Variants in ZNF85 observed in about 807,000 individuals in gnomAD.
ZNF85 encodes zinc finger protein 85.
Under a neutral mutation model 53.9 loss-of-function variants are expected in ZNF85, and 50 were observed. That is an observed-to-expected ratio of 0.93 (90% CI 0.74 to 1.17). ZNF85 has a LOEUF of 1.17. Ranked by LOEUF, ZNF85 falls within the 50% of genes most tolerant of loss-of-function variation. ZNF85 has a pLI of 0.00. For synonymous variants in ZNF85, 225 were observed against 226.1 expected (o/e 1.00, Z 0.04); for missense variants, 747 against 688.5 (o/e 1.08, Z -0.95).
intron 1 of ZNF85, 110 bp downstream of exon 1, chr19:20,923,513 C>T: frequency 6.4e-7 from 1 of 1,566,348 alleles, no homozygotes; most frequent in African/African-American, 1.4e-5. Flanking sequence ...ACAATCTGCG[C>T]TCCAGTTCTT....
rs1319487356 is a variant in ZNF85, at chr19:20,923,350, G to A, written c.-51G>A. 6.2e-7 allele frequency: 1 copy of A among 1,613,786 alleles called. No individual in the cohort carries two copies. The highest frequency in any genetic ancestry group is 8.5e-7 in the Non-Finnish European group (1 of 1,179,876). On this transcript the variant is annotated 5_prime_UTR_variant, in exon 1 of 4. Coordinates refer to ENST00000328178, the MANE Select transcript of ZNF85 (RefSeq NM_003429.5). ...AGCCTCTGTGGCCCTGTGGCCTGCA[G>A]GTATTGGGAGATCCACAGCTAAGAC...
rs116337147 is a variant in ZNF85, at chr19:20,926,362, G to T, written c.3+2959G>T. Among the ~76,000 whole-genome samples the T allele has an allele frequency of 1.7e-3, 262 of 152,138 alleles. 2 individuals are homozygous for T. Among genetic ancestry groups the T allele is most frequent in the African/African-American group, 5.9e-3 (243 of 41,500 alleles). On this transcript the variant is annotated intron_variant, in intron 1 of 3. Transcript: ENST00000328178. Reference sequence around the variant, plus strand: ...ATTGTTTACTACATGATTTTTTATAGAAATAATAAAATAATACATTTATTG... The same window carrying T: ...ATTGTTTACTACATGATTTTTTATATAAATAATAAAATAATACATTTATTG...
chr19:20,946,885 A>T (rs11085410), intron 3 of ZNF85, among the ~76,000 whole-genome samples: 17,160 of 151,820 alleles, frequency 0.11, 1,007 homozygotes, highest in Non-Finnish European at 0.13. Context: ...TAATTTTTTT[A>T]ATAAATCCCT....
chr19:20,926,857 A>G (rs973827560), intron 1 of ZNF85: 1 of 152,110 alleles, frequency 6.6e-6, no homozygotes, highest in Non-Finnish European at 1.5e-5. Context: ...TAAAAAAAAA[A>G]ATTGAATTCC....
rs199758079 is a variant in ZNF85 at position 20,923,434 on chromosome 19, G to T, written c.3+31G>T. 181 of 1,613,936 alleles carry T rather than the reference G, an allele frequency of 1.1e-4. No individual in the cohort carries two copies. In the African/African-American group the frequency reaches 2.0e-3, roughly 17 times the overall value. ...AGTGCCAGGTCCGCCATCCCGAGGG[G>T]GAAAGGGGTTGGTTGAAACCGGTGG... is the stretch of plus-strand genomic sequence containing the variant. On this transcript the variant is annotated intron_variant, in intron 1 of 3. Coordinates refer to ENST00000328178, the MANE Select transcript of ZNF85 (RefSeq NM_003429.5).
chr19:20,942,085 C>T (rs954480087), intron 3 of ZNF85, among the ~76,000 whole-genome samples: 3 of 151,948 alleles, frequency 2.0e-5, no homozygotes, highest in Non-Finnish European at 4.4e-5. Flanking sequence ...GATTTCTGTG[C>T]TCTCTACTCT....
rs200213493 is a variant in ZNF85 at position 20,926,651 on chromosome 19, C to T, written c.3+3248C>T. 3 of 152,256 alleles carry T rather than the reference C, an allele frequency of 2.0e-5. No individual in the cohort carries two copies. In the East Asian group the frequency reaches 5.8e-4, roughly 29 times the overall value. The allele number at this position is 152,256 out of a possible 1,614,324, so 9.4% of individuals were successfully genotyped here. On this transcript the variant is annotated intron_variant, in intron 1 of 3. Coordinates refer to ENST00000328178, the MANE Select transcript of ZNF85 (RefSeq NM_003429.5). ...GGAGCCTCCCCTGCAGATGTCCCAGCCTGCTCACCCCAGCCATGGAAGAAG... is the reference window on the plus strand; with the variant it reads ...GGAGCCTCCCCTGCAGATGTCCCAGTCTGCTCACCCCAGCCATGGAAGAAG...
At position 20,950,091 on chromosome 19, in the gene ZNF85, C is replaced by T; in HGVS notation, c.1577C>T (p.Thr526Ile). Reference sequence around the variant, plus strand: ...GCTTTTAACCAATCCTCAAAACTTACCAAACATAAGAAAATTCATACTGGA... The same window carrying T: ...GCTTTTAACCAATCCTCAAAACTTATCAAACATAAGAAAATTCATACTGGA... ...GKAFNQSSKL[T>I]KHKKIHTGEK... Residue 526 changes from threonine (T) to isoleucine (I), a missense_variant, in exon 4 of 4, where the codon ACC becomes ATC. Transcript: ENST00000328178. 6.2e-7 allele frequency: 1 copy of T among 1,613,198 alleles called. No individual in the cohort carries two copies. Among genetic ancestry groups the T allele is most frequent in the Non-Finnish European group, 8.5e-7 (1 of 1,179,774 alleles).
intron 2 of ZNF85, 82 bp from the exon 3 acceptor site, chr19:20,934,867 T>C: frequency 1.3e-6 from 1 of 777,398 alleles, no homozygotes; most frequent in South Asian, 2.3e-5. Context: ...ATTTTGGGAT[T>C]AATTTACTAG....
chr19:20,934,210 T>A, intron 2 of ZNF85, 60 bp downstream of exon 2: 1 of 1,562,344 alleles, frequency 6.4e-7, no homozygotes, highest in Non-Finnish European at 8.6e-7. Flanking sequence ...TTCTTTTATT[T>A]GTGGAATGTT....
In ZNF85 at chr19:20,949,048, AT is replaced by A; in HGVS notation, c.535del (p.Cys179ValfsTer7). On this transcript the variant is annotated frameshift_variant, in exon 4 of 4. Coordinates refer to ENST00000328178, the MANE Select transcript of ZNF85 (RefSeq NM_003429.5). LOFTEE classifies it high-confidence loss of function. ...AAAAGAAACCTTTCAAATGTACAAAATGTGGCAAATCATTTGGCATGATTTC... is the reference window on the plus strand; with the variant it reads ...AAAAGAAACCTTTCAAATGTACAAAAGTGGCAAATCATTTGGCATGATTTC... ...TKKKPFKCTK[C>X]GKSFGMISCL... 1 of 1,613,902 alleles carries A rather than the reference AT, an allele frequency of 6.2e-7. No individual in the cohort carries two copies. Among genetic ancestry groups the A allele is most frequent in the Non-Finnish European group, 8.5e-7 (1 of 1,179,848 alleles).
At chr19:20,929,131 T>C (rs1972948392) in intron 1 of ZNF85, among the ~76,000 whole-genome samples, 1 of 151,726 alleles carries the variant, frequency 6.6e-6, no homozygotes, top group African/African-American at 2.4e-5. Context: ...AGAGTCTTGC[T>C]CTGTCACCCA....
At chr19:20,936,369 G>A (rs1473856463) in intron 3 of ZNF85, among the ~76,000 whole-genome samples, 2 of 136,524 alleles carry the variant, frequency 1.5e-5, no homozygotes, top group Admixed American at 7.4e-5. Flanking sequence ...TTGGGAATGG[G>A]TGCTTGGTGT....
Position 20,938,858 on chromosome 19 carries a change from G to A in ZNF85, c.229+3811G>A, listed in dbSNP as rs1239345785. On this transcript the variant is annotated intron_variant, in intron 3 of 3. Coordinates refer to ENST00000328178, the MANE Select transcript of ZNF85 (RefSeq NM_003429.5). ...TAACCATATTCTGCTATATGTGTGT[G>A]TGTGTGTGTGTGTGTGTGTATATAT... is the stretch of plus-strand genomic sequence containing the variant. Among the ~76,000 whole-genome samples, 354 of 118,844 alleles carry A rather than the reference G, an allele frequency of 3.0e-3. 2 individuals carry two copies. The highest frequency in any genetic ancestry group is 0.01 in the African/African-American group (336 of 33,166). 78.0% of individuals were successfully genotyped at this position (118,844 alleles called of 152,430 possible).
rs1973497894 is a variant in ZNF85, at chr19:20,949,153, G to A, written c.639G>A (p.Trp213Ter). ...AAGAATGTGGAAAAGCCTTTAACTG[G>A]TCCTCAACCCTTACTAAACATAAGA... The part of the protein sequence containing the change: ...KCEECGKAFN[W>*]SSTLTKHKRI... The change falls in exon 4 of 4, where the codon TGG (tryptophan) becomes TGA (stop). Residue 213 changes from tryptophan (W) to a stop codon, truncating the protein, a stop_gained. Coordinates refer to ENST00000328178, the MANE Select transcript of ZNF85 (RefSeq NM_003429.5). LOFTEE classifies it high-confidence loss of function. 3 of 1,613,396 alleles carry A rather than the reference G, an allele frequency of 1.9e-6. No homozygotes were observed. Among genetic ancestry groups the A allele is most frequent in the Non-Finnish European group, 2.5e-6 (3 of 1,179,704 alleles).
At chr19:20,933,899 ACT>A (rs1973086425) in intron 1 of ZNF85, 123 bp from the exon 2 acceptor site, 2 of 1,064,552 alleles carry the variant, frequency 1.9e-6, no homozygotes, top group South Asian at 2.2e-5. Context: ...AGTTACCTGT[ACT>A]CTCTCATTTC....
At chr19:20,937,430 A>G (rs1973186423) in intron 3 of ZNF85, 10 of 447,726 alleles carry the variant, frequency 2.2e-5, no homozygotes, top group South Asian at 1.6e-4. Flanking sequence ...GAGGAATTGT[A>G]GCTTGATCAG....
chr19:20,928,983 T>A (rs2144606315), intron 1 of ZNF85, among the ~76,000 whole-genome samples: 2 of 152,310 alleles, frequency 1.3e-5, no homozygotes, highest in Admixed American at 1.3e-4. Context: ...ACAGAGGTAC[T>A]AAGCATAGCA....
chr19:20,948,284 A>ATTGGT (rs1973470461), intron 3 of ZNF85, among the ~76,000 whole-genome samples: 1 of 152,134 alleles, frequency 6.6e-6, no homozygotes, highest in Admixed American at 6.5e-5. Flanking sequence ...CAGCAGACTC[A>ATTGGT]AACTGCCATT....
Sources: allele counts gnomAD v4.1 joint callset (sites outside exome capture counted in the v4.1 genomes callset), GRCh38; gene constraint gnomAD v4.1.1; transcripts MANE v1.5; gene names NCBI Gene and HGNC (gene_info 2026-07-23, HGNC 2026-07-21).